MAN1A1: variants seen among roughly 807,000 people sequenced by gnomAD.
MAN1A1 encodes mannosyl-oligosaccharide 1,2-alpha-mannosidase IA.
MAN1A1 carries 29 observed loss-of-function variants against 70.8 expected under a neutral mutation model. The observed-to-expected ratio is 0.41, with a 90% confidence interval of 0.31 to 0.56. The LOEUF (loss-of-function observed/expected upper bound fraction) is 0.56. MAN1A1 is among the 20% of genes least tolerant of loss of function. MAN1A1 has a pLI of 0.29. For synonymous variants in MAN1A1, 349 were observed against 330.1 expected, an observed-to-expected ratio of 1.06 and a Z score of -0.62; for missense variants, 747 against 841.3, an observed-to-expected ratio of 0.89 and a Z score of 1.39.
At position 119,306,885 on chromosome 6, in the gene MAN1A1, C is replaced by T. The variant is rs374030134; in HGVS notation, c.700+11G>A. 51 of 1,539,090 alleles carry T rather than the reference C, an allele frequency of 3.3e-5. No homozygotes were observed. Among genetic ancestry groups the T allele is most frequent in the Non-Finnish European group, 4.2e-5 (47 of 1,112,668 alleles). On this transcript the variant is annotated intron_variant, in intron 3 of 12. Transcript: ENST00000368468. ...TTATCGTCACTAAGAAACCAAAGCA[C>T]ATCTACTCACCAAACAAACTGCTTG...
chr6:119,287,176 T>C, intron 5 of MAN1A1, among the ~76,000 whole-genome samples: 1 of 151,912 alleles, frequency 6.6e-6, no homozygotes, highest in East Asian at 1.9e-4. Context: ...GTGGAAGAAA[T>C]AGTCCATGTT....
At chr6:119,185,924 G>A (rs1045177655) in intron 11 of MAN1A1, among the ~76,000 whole-genome samples, 10 of 149,336 alleles carry the variant, frequency 6.7e-5, no homozygotes, top group African/African-American at 2.0e-4. Context: ...ATCACACTGC[G>A]AAGAGAGAAG....
At chr6:119,315,629 A>T (rs1772829980) in intron 2 of MAN1A1, among the ~76,000 whole-genome samples, 1 of 152,246 alleles carries the variant, frequency 6.6e-6, no homozygotes, top group Non-Finnish European at 1.5e-5. Flanking sequence ...ATACTTGACC[A>T]AAATATAAGT....
chr6:119,301,877 T>C, intron 4 of MAN1A1, 111 bp downstream of exon 4: 1 of 614,030 alleles, frequency 1.6e-6, no homozygotes, highest in East Asian at 2.8e-5. Flanking sequence ...CTACCTAAAG[T>C]TGCAATATTT....
chr6:119,283,259 A>G (rs1776268677), intron 5 of MAN1A1, among the ~76,000 whole-genome samples: 1 of 152,226 alleles, frequency 6.6e-6, no homozygotes, highest in African/African-American at 2.4e-5. Flanking sequence ...ATCCATGTAC[A>G]GATTTTACTT....
At chr6:119,303,790 C>A (rs1772458418) in intron 3 of MAN1A1, among the ~76,000 whole-genome samples, 1 of 152,164 alleles carries the variant, frequency 6.6e-6, no homozygotes, top group Non-Finnish European at 1.5e-5. Flanking sequence ...ACAAGACATG[C>A]AGATCTTATA....
intron 5 of MAN1A1, among the ~76,000 whole-genome samples, chr6:119,268,431 A>G (rs769308168): frequency 1.5e-4 from 22 of 151,498 alleles, no homozygotes; most frequent in Non-Finnish European, 2.5e-4. Context: ...ACTGTCCCCA[A>G]GTGTTTTTTT....
At position 119,316,871 on chromosome 6, in the gene MAN1A1, G is replaced by C. The variant is rs577367523; in HGVS notation, c.604-9879C>G. 2.6e-5 allele frequency among the ~76,000 whole-genome samples: 4 copies of C among 151,556 alleles called. No homozygotes were observed. The South Asian group carries it at 8.3e-4, about 32-fold the overall frequency. The stretch of plus-strand genomic sequence containing the variant: ...TAATTATTTAGTGATCGATGAAAAT[G>C]AATTAGCTTGAATTTCATTAAAATG... On this transcript the variant is annotated intron_variant, in intron 2 of 12. Coordinates refer to ENST00000368468, the MANE Select transcript of MAN1A1 (RefSeq NM_005907.4).
intron 6 of MAN1A1, among the ~76,000 whole-genome samples, chr6:119,213,515 C>A (rs1052681384): frequency 6.6e-6 from 1 of 152,208 alleles, no homozygotes; most frequent in Non-Finnish European, 1.5e-5. Context: ...TAAACTACTA[C>A]AACGAAGTCA....
rs572663353 is a variant in MAN1A1, at chr6:119,319,978, T to TC, written c.604-12987dup. On this transcript the variant is annotated intron_variant, in intron 2 of 12. Transcript: ENST00000368468. ...AGCCAGGAGAACTGCAGTGGTATCTTCTTTTTTTTTTTAAGAGACGGAGTC... is the reference window on the plus strand; with the variant it reads ...AGCCAGGAGAACTGCAGTGGTATCTTCCTTTTTTTTTTTAAGAGACGGAGTC... Among the ~76,000 whole-genome samples the TC allele has an allele frequency of 5.3e-5, 8 of 152,110 alleles. No individual in the cohort carries two copies. In the East Asian group the frequency reaches 1.6e-3, roughly 30 times the overall value.
In MAN1A1 at chr6:119,204,941, T is replaced by C. The variant is rs1773818330; in HGVS notation, c.993-59A>G. 18 of 1,567,048 alleles carry C rather than the reference T, an allele frequency of 1.1e-5. No homozygotes were observed. The East Asian group carries it at 4.1e-4, about 35-fold the overall frequency. ...CAGATTAACTCCGTTTTTCACTATC[T>C]AAATAGCAGACATGAAATAGACAGC... On this transcript the variant is annotated intron_variant, in intron 6 of 12. Coordinates refer to ENST00000368468, the MANE Select transcript of MAN1A1 (RefSeq NM_005907.4).
At chr6:119,297,530 A>G (rs921960870) in intron 4 of MAN1A1, among the ~76,000 whole-genome samples, 2 of 152,138 alleles carry the variant, frequency 1.3e-5, no homozygotes, top group Non-Finnish European at 1.5e-5. Flanking sequence ...ACACAAGGTC[A>G]TTGAGTTAGG....
chr6:119,189,694 G>A lies in MAN1A1; in HGVS notation c.1516C>T (p.Arg506Cys), dbSNP rs773559572. The change falls in exon 10 of 13, where the codon CGT becomes TGT. Residue 506 changes from arginine to cysteine, a missense_variant. Coordinates refer to ENST00000368468, the MANE Select transcript of MAN1A1 (RefSeq NM_005907.4). ...HYLELGAEIA[R>C]TCHESYNRTF... ...CGATTATATGATTCATGACAAGTACGGGCAATTTCAGCCCCGAGTTCAAGG... is the reference window on the plus strand; with the variant it reads ...CGATTATATGATTCATGACAAGTACAGGCAATTTCAGCCCCGAGTTCAAGG... 5.0e-6 allele frequency: 8 copies of A among 1,613,912 alleles called. No homozygotes were observed. In the East Asian group the frequency reaches 6.7e-5, roughly 13 times the overall value.
upstream of MAN1A1, among the ~76,000 whole-genome samples, chr6:119,349,940 G>A (rs562852693): frequency 7.0e-4 from 107 of 152,156 alleles, 3 homozygotes; most frequent in South Asian, 0.022. Context: ...GGGCCCGGCC[G>A]GCGGCGGGGA....
At position 119,349,216 on chromosome 6, in the gene MAN1A1, C is replaced by T. The variant is rs910239252; in HGVS notation, c.-151G>A. 4 of 1,214,506 alleles carry T rather than the reference C, an allele frequency of 3.3e-6. No homozygotes were observed. In the East Asian group the frequency reaches 1.0e-4, roughly 30 times the overall value. The allele number at this position is 1,214,506 out of a possible 1,614,324, so 75.2% of individuals were successfully genotyped here. On this transcript the variant is annotated 5_prime_UTR_variant, in exon 2 of 13. Transcript: ENST00000368468. ...CGGATCCTCCCTGGGGGAACAACTC[C>T]GCGCCGGGTCTTCTCCCCGGGGCGG...
chr6:119,329,716 C>T (rs1773256273), intron 2 of MAN1A1, among the ~76,000 whole-genome samples: 1 of 152,306 alleles, frequency 6.6e-6, no homozygotes, highest in South Asian at 2.1e-4. Context: ...TTTACTCAGC[C>T]TTCTCATTGC....
chr6:119,253,971 C>T (rs1775393816), intron 5 of MAN1A1, among the ~76,000 whole-genome samples: 1 of 152,164 alleles, frequency 6.6e-6, no homozygotes, highest in South Asian at 2.1e-4. Context: ...ACTGAATCAA[C>T]TTCAATCTCA....
chr6:119,181,550 T>G (rs1773155190), intron 11 of MAN1A1, among the ~76,000 whole-genome samples: 2 of 152,082 alleles, frequency 1.3e-5, no homozygotes, highest in Non-Finnish European at 2.9e-5. Flanking sequence ...TTGTCTGAAT[T>G]TAATGAATAT....
intron 2 of MAN1A1, among the ~76,000 whole-genome samples, chr6:119,318,776 A>G (rs2114472743): frequency 6.6e-6 from 1 of 152,306 alleles, no homozygotes; most frequent in Non-Finnish European, 1.5e-5. Context: ...CTTTACATAC[A>G]TTTTAATAGC....
Sources: gnomAD v4.1 joint callset for allele counts (sites outside exome capture counted in the v4.1 genomes callset) on GRCh38, gnomAD v4.1.1 for gene constraint, MANE v1.5 for transcripts, NCBI Gene and HGNC (gene_info 2026-07-23, HGNC 2026-07-21) for gene names.